The following ANKRD6 variants were observed in gnomAD, a reference collection of about 807,000 sequenced individuals.
ANKRD6 encodes ankyrin repeat domain 6.
In ANKRD6, 56 loss-of-function variants were observed where a neutral mutation model predicts 82.3. That is an observed-to-expected ratio of 0.68 (90% CI 0.55 to 0.85). The LOEUF is 0.85. Among genes scored for constraint, ANKRD6 ranks in the 40% least tolerant of loss-of-function variants. ANKRD6 has a pLI of 0.00. For synonymous variants in ANKRD6, 347 were observed against 352.1 expected, an observed-to-expected ratio of 0.99 and a Z score of 0.16; for missense variants, 852 against 907.6, an observed-to-expected ratio of 0.94 and a Z score of 0.79.
chr6:89,542,380 GT>G (rs1447176933), intron 1 of ANKRD6, among the ~76,000 whole-genome samples: 1 of 152,134 alleles, frequency 6.6e-6, no homozygotes, highest in Non-Finnish European at 1.5e-5. Context: ...AGCCATTAGT[GT>G]ATTAGACAAT....
chr6:89,559,228 G>A (rs934714076), intron 1 of ANKRD6, among the ~76,000 whole-genome samples: 1 of 152,136 alleles, frequency 6.6e-6, no homozygotes, highest in African/African-American at 2.4e-5. Flanking sequence ...AGCTGCAGTT[G>A]TCTCTTTGCC....
chr6:89,543,235 A>G (rs1388028329), intron 1 of ANKRD6, among the ~76,000 whole-genome samples: 1 of 152,200 alleles, frequency 6.6e-6, no homozygotes, highest in Admixed American at 6.5e-5. Context: ...ACAACATACC[A>G]TATTTTGCTT....
intron 2 of ANKRD6, among the ~76,000 whole-genome samples, chr6:89,569,480 ATTTC>A (rs1220325161): frequency 6.6e-6 from 1 of 152,038 alleles, no homozygotes; most frequent in African/African-American, 2.4e-5. Flanking sequence ...TATTCTGTTT[ATTTC>A]TTTATCAGTT....
At chr6:89,463,212 C>T (rs1206252607) in intron 1 of ANKRD6, among the ~76,000 whole-genome samples, 1 of 152,018 alleles carries the variant, frequency 6.6e-6, no homozygotes, top group East Asian at 1.9e-4. Context: ...TATATAAGAG[C>T]AGTTTTATCA....
intron 2 of ANKRD6, among the ~76,000 whole-genome samples, chr6:89,578,103 C>G (rs1791554394): frequency 6.6e-6 from 1 of 152,088 alleles, no homozygotes; most frequent in Non-Finnish European, 1.5e-5. Context: ...CAGGAGGTGC[C>G]ACAGGGCAGG....
chr6:89,590,123 G>A (rs1223258215), intron 2 of ANKRD6, among the ~76,000 whole-genome samples: 19 of 152,244 alleles, frequency 1.2e-4, no homozygotes. Context: ...CATATTTTTA[G>A]TAATGTCATT....
intron 1 of ANKRD6, among the ~76,000 whole-genome samples, chr6:89,497,457 CT>C (rs942812779): frequency 6.6e-6 from 1 of 151,944 alleles, no homozygotes; most frequent in Non-Finnish European, 1.5e-5. Context: ...TTTTCTTTTT[CT>C]ATTTATAATT....
intron 1 of ANKRD6, among the ~76,000 whole-genome samples, chr6:89,530,864 A>T (rs1783058565): frequency 6.6e-6 from 1 of 152,220 alleles, no homozygotes; most frequent in African/African-American, 2.4e-5. Flanking sequence ...TCTAGTCTTC[A>T]TGCTGCTCAA....
intron 1 of ANKRD6, among the ~76,000 whole-genome samples, chr6:89,520,158 A>AT (rs961175626): frequency 2.0e-5 from 3 of 152,114 alleles, no homozygotes; most frequent in Admixed American, 6.5e-5. Context: ...TAATGTTTTA[A>AT]TTTTTTTAAA....
chr6:89,561,701 C>A (rs764107074), intron 1 of ANKRD6, among the ~76,000 whole-genome samples: 4 of 152,136 alleles, frequency 2.6e-5, no homozygotes, highest in Non-Finnish European at 4.4e-5. Context: ...CCTTACTTGT[C>A]CCCCAGTGGT....
At chr6:89,464,895 CTG>C (rs1774648184) in intron 1 of ANKRD6, among the ~76,000 whole-genome samples, 1 of 152,068 alleles carries the variant, frequency 6.6e-6, no homozygotes, top group African/African-American at 2.4e-5. Flanking sequence ...TTGTTTGTGT[CTG>C]TGTTGAAGGG....
intron 2 of ANKRD6, among the ~76,000 whole-genome samples, chr6:89,577,082 C>A (rs1791284442): frequency 6.6e-6 from 1 of 151,910 alleles, no homozygotes; most frequent in South Asian, 2.1e-4. Flanking sequence ...GTGCAGAATC[C>A]ACAGGTTCAA....
At chr6:89,625,301 AG>A (rs1174317755) in intron 13 of ANKRD6, among the ~76,000 whole-genome samples, 1 of 151,820 alleles carries the variant, frequency 6.6e-6, no homozygotes, top group Non-Finnish European at 1.5e-5. Context: ...AAAAAATTAG[AG>A]TTTATCTTTT....
intron 1 of ANKRD6, among the ~76,000 whole-genome samples, chr6:89,556,822 G>T (rs1389084923): frequency 6.6e-6 from 1 of 152,224 alleles, no homozygotes; most frequent in Non-Finnish European, 1.5e-5. Flanking sequence ...TAATGAGGTA[G>T]GAACTGTTAT....
At position 89,544,493 on chromosome 6, in the gene ANKRD6, T is replaced by A. The variant is rs531375299; in HGVS notation, c.-143-22341T>A. The stretch of plus-strand genomic sequence containing the variant: ...CACTTTGGAGGCCAAGGCGGGCAGA[T>A]CACAAGGTCAGGAGATCGAGACCAT... On this transcript the variant is annotated intron_variant, in intron 1 of 15. Coordinates refer to ENST00000339746, the MANE Select transcript of ANKRD6 (RefSeq NM_001242809.2). Among the ~76,000 whole-genome samples, 6 of 152,110 alleles carry A rather than the reference T, an allele frequency of 3.9e-5. No homozygotes were observed. In the East Asian group the frequency reaches 1.2e-3, roughly 30 times the overall value.
intron 3 of ANKRD6, among the ~76,000 whole-genome samples, chr6:89,596,256 C>CTAT (rs926151592): frequency 1.3e-5 from 2 of 152,014 alleles, no homozygotes; most frequent in Non-Finnish European, 2.9e-5. Context: ...CACTTCCTGT[C>CTAT]TATTATTCAA....
intron 13 of ANKRD6, 135 bp downstream of exon 13, chr6:89,624,826 C>CTT (rs1805047920): frequency 1.1e-6 from 1 of 923,128 alleles, no homozygotes; most frequent in African/African-American, 1.7e-5. Context: ...CCTGCTTCTG[C>CTT]TTATGTGATT....
chr6:89,457,859 G>A lies in ANKRD6; in HGVS notation c.-144+24484G>A, dbSNP rs528362006. 6.6e-5 allele frequency among the ~76,000 whole-genome samples: 10 copies of A among 152,224 alleles called. No individual in the cohort carries two copies. The South Asian group carries it at 1.4e-3, about 22-fold the overall frequency. ...TAGACTGAATGTTTGTGTCTCCCCCGCGAATTCATATATTGAAACCCTAAC... is the reference window on the plus strand; with the variant it reads ...TAGACTGAATGTTTGTGTCTCCCCCACGAATTCATATATTGAAACCCTAAC... On this transcript the variant is annotated intron_variant, in intron 1 of 15. Coordinates refer to ENST00000339746, the MANE Select transcript of ANKRD6 (RefSeq NM_001242809.2).
intron 2 of ANKRD6, among the ~76,000 whole-genome samples, chr6:89,594,267 A>C (rs1390201806): frequency 6.6e-6 from 1 of 152,108 alleles, no homozygotes; most frequent in Non-Finnish European, 1.5e-5. Context: ...AGCCTAAGCA[A>C]CATGGTGAAA....
Sources: allele counts gnomAD v4.1 joint callset (sites outside exome capture counted in the v4.1 genomes callset), GRCh38; gene constraint gnomAD v4.1.1; transcripts MANE v1.5; gene names NCBI Gene and HGNC (gene_info 2026-07-23, HGNC 2026-07-21).